Variants in KCNIP4 observed in about 807,000 individuals in gnomAD.
KCNIP4 encodes the protein potassium voltage-gated channel interacting protein 4.
A neutral mutation model predicts 34.0 loss-of-function variants in KCNIP4; 12 were observed. The ratio of observed to expected loss-of-function variants is 0.35; its 90% CI spans 0.23 to 0.57. KCNIP4 has a LOEUF of 0.57. Ranked by LOEUF, KCNIP4 falls within the 20% of genes least tolerant of loss-of-function variation. The pLI is 0.83. For missense variants in KCNIP4, 238 were observed against 311.7 expected (o/e 0.76, Z 1.78); for synonymous variants, 124 against 102.2 (o/e 1.21, Z -1.29).
At chr4:21,469,031 T>C (rs1206994390) in intron 1 of KCNIP4, among the ~76,000 whole-genome samples, 1 of 152,004 alleles carries the variant, frequency 6.6e-6, no homozygotes, top group African/African-American at 2.4e-5. Flanking sequence ...TTTATTCTAT[T>C]ATATTATTAT....
intron 1 of KCNIP4, among the ~76,000 whole-genome samples, chr4:21,238,159 G>A (rs1759516973): frequency 6.6e-6 from 1 of 152,088 alleles, no homozygotes. Context: ...TGCAGAAAAG[G>A]CCTTTGATAA....
intron 1 of KCNIP4, among the ~76,000 whole-genome samples, chr4:21,717,856 T>C (rs1304704694): frequency 6.6e-6 from 1 of 152,190 alleles, no homozygotes; most frequent in East Asian, 1.9e-4. Flanking sequence ...TCTGTGATCG[T>C]CACTTTTCTC....
intron 1 of KCNIP4, among the ~76,000 whole-genome samples, chr4:20,940,666 C>G (rs1731547024): frequency 6.6e-6 from 1 of 152,058 alleles, no homozygotes; most frequent in African/African-American, 2.4e-5. Context: ...TAGAAAATAA[C>G]TTATTTGGAT....
intron 1 of KCNIP4, among the ~76,000 whole-genome samples, chr4:21,662,864 A>G (rs1748552621): frequency 6.6e-6 from 1 of 152,254 alleles, no homozygotes; most frequent in African/African-American, 2.4e-5. Context: ...AAACTGAAAC[A>G]GTGTTTCTAA....
intron 1 of KCNIP4, among the ~76,000 whole-genome samples, chr4:21,839,011 C>G (rs1337775974): frequency 6.6e-6 from 1 of 152,052 alleles, no homozygotes; most frequent in Admixed American, 6.6e-5. Flanking sequence ...TTTGAGGGCA[C>G]AATTGTGTTT....
chr4:21,147,480 A>T (rs1406145145), intron 1 of KCNIP4, among the ~76,000 whole-genome samples: 1 of 152,172 alleles, frequency 6.6e-6, no homozygotes, highest in Non-Finnish European at 1.5e-5. Flanking sequence ...TAGTAAGTGT[A>T]TTGCTCATGA....
chr4:20,793,966 A>C (rs1012226111), intron 3 of KCNIP4, among the ~76,000 whole-genome samples: 1 of 152,060 alleles, frequency 6.6e-6, no homozygotes, highest in Non-Finnish European at 1.5e-5. Context: ...ATGGGAGTGA[A>C]TCTTTCTCAT....
chr4:20,934,785 C>T (rs1258276314), intron 1 of KCNIP4, among the ~76,000 whole-genome samples: 3 of 152,184 alleles, frequency 2.0e-5, no homozygotes, highest in South Asian at 2.1e-4. Context: ...CTGTATTATA[C>T]TCATAGAGCT....
At chr4:21,269,464 G>A (rs1442858913) in intron 1 of KCNIP4, among the ~76,000 whole-genome samples, 2 of 152,032 alleles carry the variant, frequency 1.3e-5, no homozygotes, top group Non-Finnish European at 2.9e-5. Context: ...GGAGTGCAGT[G>A]GTGTGATCAT....
chr4:21,389,471 G>T (rs1455370029), intron 1 of KCNIP4, among the ~76,000 whole-genome samples: 1 of 102,142 alleles, frequency 9.8e-6, no homozygotes, highest in Non-Finnish European at 1.8e-5. Flanking sequence ...CCCCACAACA[G>T]GCCCCAGTGT....
intron 1 of KCNIP4, among the ~76,000 whole-genome samples, chr4:21,096,657 A>G (rs995305166): frequency 2.0e-5 from 3 of 152,096 alleles, no homozygotes; most frequent in Non-Finnish European, 4.4e-5. Flanking sequence ...TAGAAAATAA[A>G]TTTCCTTGTG....
chr4:21,942,231 G>T (rs544203793), intron 1 of KCNIP4, among the ~76,000 whole-genome samples: 3 of 152,248 alleles, frequency 2.0e-5, no homozygotes, highest in Admixed American at 6.5e-5. Context: ...CTGCTGTAAT[G>T]CAAGGATCTA....
At chr4:21,848,000 T>A (rs1724135740) in intron 1 of KCNIP4, 1 of 152,152 alleles carries the variant, frequency 6.6e-6, no homozygotes, top group Non-Finnish European at 1.5e-5. Context: ...TCTTGGCTAT[T>A]TGACTGTATT....
At chr4:21,893,590 A>G (rs1463258428) in intron 1 of KCNIP4, among the ~76,000 whole-genome samples, 1 of 152,172 alleles carries the variant, frequency 6.6e-6, no homozygotes, top group Non-Finnish European at 1.5e-5. Flanking sequence ...CATTACACAC[A>G]AGAAAGAGTT....
chr4:21,375,431 A>G (rs2109454299), intron 1 of KCNIP4, among the ~76,000 whole-genome samples: 1 of 152,330 alleles, frequency 6.6e-6, no homozygotes, highest in Non-Finnish European at 1.5e-5. Context: ...TGAGGGGCTA[A>G]TAATGTACTT....
chr4:21,282,109 G>C (rs1017389620), intron 1 of KCNIP4, among the ~76,000 whole-genome samples: 2 of 152,198 alleles, frequency 1.3e-5, no homozygotes, highest in Non-Finnish European at 2.9e-5. Context: ...GTTCTCATAA[G>C]TGAGACATTC....
At chr4:20,976,173 G>A (rs1165394677) in intron 1 of KCNIP4, among the ~76,000 whole-genome samples, 1 of 152,098 alleles carries the variant, frequency 6.6e-6, no homozygotes, top group African/African-American at 2.4e-5. Context: ...TCAAAGTTTG[G>A]CCCCTGGACC....
At chr4:21,019,885 T>C (rs1739889648) in intron 1 of KCNIP4, among the ~76,000 whole-genome samples, 1 of 152,168 alleles carries the variant, frequency 6.6e-6, no homozygotes. Context: ...CAGTGTCTGA[T>C]TGCATAGCTT....
chr4:21,433,818 C>T (rs1177642916), intron 1 of KCNIP4, among the ~76,000 whole-genome samples: 4 of 152,144 alleles, frequency 2.6e-5, no homozygotes, highest in Non-Finnish European at 5.9e-5. Context: ...GATATTCTGC[C>T]TAATGAAACT....
Sources: gnomAD v4.1 joint callset for allele counts (sites outside exome capture counted in the v4.1 genomes callset) on GRCh38, gnomAD v4.1.1 for gene constraint, MANE v1.5 for transcripts, NCBI Gene and HGNC (gene_info 2026-07-23, HGNC 2026-07-21) for gene names.